The following CCDC85A variants were observed in gnomAD, a reference collection of about 807,000 sequenced individuals.
CCDC85A encodes coiled-coil domain containing 85A, also known as coiled-coil domain-containing protein 85A.
In CCDC85A, 38 loss-of-function variants were observed where a neutral mutation model predicts 50.2. The observed-to-expected ratio is 0.76, with a 90% confidence interval of 0.58 to 0.99. CCDC85A has a LOEUF of 0.99. Among genes scored for constraint, CCDC85A ranks in the 50% least tolerant of loss-of-function variants. The probability of loss-of-function intolerance (pLI) is 0.00; values close to 1 mark genes in which losing one functional copy is unlikely to be tolerated. For synonymous variants in CCDC85A, 366 were observed against 301.4 expected (o/e 1.21, Z -2.22); for missense variants, 820 against 742.0 (o/e 1.11, Z -1.22).
At chr2:56,247,720 A>G (rs187460317) in intron 2 of CCDC85A, among the ~76,000 whole-genome samples, 49 of 152,340 alleles carry the variant, frequency 3.2e-4, no homozygotes, top group Non-Finnish European at 6.0e-4. Context: ...AAGATATCAT[A>G]AGGGATATGA....
At chr2:56,242,594 C>T (rs1669310900) in intron 2 of CCDC85A, among the ~76,000 whole-genome samples, 1 of 152,128 alleles carries the variant, frequency 6.6e-6, no homozygotes, top group Non-Finnish European at 1.5e-5. Flanking sequence ...CCAAACACCT[C>T]CCACCAAGTC....
At position 56,384,247 on chromosome 2, in the gene CCDC85A, C is replaced by T; in HGVS notation, c.1573-19C>T. 1 of 1,592,038 alleles carries T rather than the reference C, an allele frequency of 6.3e-7. No individual in the cohort carries two copies. The highest frequency in any genetic ancestry group is 8.6e-7 in the Non-Finnish European group (1 of 1,161,538). On this transcript the variant is annotated intron_variant, in intron 5 of 5. Transcript: ENST00000407595. ...AAAGAGGAAAAGTAAGATACTCACT[C>T]CTTCTTTTTTTTTTTAAGGTTGTGT...
chr2:56,339,646 G>C (rs1188149514), intron 2 of CCDC85A, among the ~76,000 whole-genome samples: 2 of 152,144 alleles, frequency 1.3e-5, no homozygotes, highest in African/African-American at 4.8e-5. Context: ...ATAAAGATAA[G>C]GTGTAAATTG....
chr2:56,205,682 G>A (rs1351141938), intron 2 of CCDC85A, among the ~76,000 whole-genome samples: 1 of 152,164 alleles, frequency 6.6e-6, no homozygotes, highest in Non-Finnish European at 1.5e-5. Context: ...CATTTGCTTT[G>A]TATAAATCTC....
chr2:56,352,951 T>A (rs1197006374), intron 3 of CCDC85A, among the ~76,000 whole-genome samples: 2 of 152,130 alleles, frequency 1.3e-5, no homozygotes, highest in Non-Finnish European at 2.9e-5. Flanking sequence ...GCTCTGCAAA[T>A]TTATGACTCT....
At chr2:56,375,089 T>G (rs1408092063) in intron 4 of CCDC85A, among the ~76,000 whole-genome samples, 2 of 152,184 alleles carry the variant, frequency 1.3e-5, no homozygotes, top group Non-Finnish European at 2.9e-5. Context: ...TACTGATCCA[T>G]TAGTCTTCCC....
chr2:56,244,009 C>T (rs1669389323), intron 2 of CCDC85A, among the ~76,000 whole-genome samples: 1 of 152,182 alleles, frequency 6.6e-6, no homozygotes, highest in Admixed American at 6.5e-5. Flanking sequence ...CTCTCTCTTT[C>T]TTTCTTTACT....
chr2:56,259,110 C>T (rs917440644), intron 2 of CCDC85A, among the ~76,000 whole-genome samples: 4 of 152,240 alleles, frequency 2.6e-5, no homozygotes, highest in African/African-American at 4.8e-5. Context: ...ACTGAGGAGC[C>T]GTGCTGTGCT....
Position 56,301,046 on chromosome 2 carries a change from A to G in CCDC85A, c.1241-41833A>G, listed in dbSNP as rs549250687. Among the ~76,000 whole-genome samples the G allele has an allele frequency of 1.8e-3, 278 of 152,272 alleles. 3 individuals carry two copies. Among genetic ancestry groups the G allele is most frequent in the African/African-American group, 6.4e-3 (268 of 41,560 alleles). On this transcript the variant is annotated intron_variant, in intron 2 of 5. Coordinates refer to ENST00000407595, the MANE Select transcript of CCDC85A (RefSeq NM_001080433.2). ...AGTGATATTACACTTCCTTTTTGCA[A>G]TCTTTCCAAGCTGCAAATAAAATAA...
chr2:56,267,514 A>G (rs1045725878), intron 2 of CCDC85A, among the ~76,000 whole-genome samples: 4 of 152,240 alleles, frequency 2.6e-5, no homozygotes, highest in East Asian at 1.9e-4. Flanking sequence ...AACATAGTAC[A>G]CAGGCCCTTG....
intron 2 of CCDC85A, among the ~76,000 whole-genome samples, chr2:56,317,705 T>C (rs1439708701): frequency 6.6e-6 from 1 of 152,126 alleles, no homozygotes; most frequent in African/African-American, 2.4e-5. Context: ...GTTTAAACTT[T>C]TAGAAGTCTC....
At chr2:56,306,679 C>A (rs531053926) in intron 2 of CCDC85A, among the ~76,000 whole-genome samples, 2 of 152,226 alleles carry the variant, frequency 1.3e-5, no homozygotes, top group East Asian at 3.9e-4. Context: ...CTATTTGCAA[C>A]TGGAGATCTT....
At position 56,192,357 on chromosome 2, in the gene CCDC85A, A is replaced by C; in HGVS notation, c.277-120A>C. 1 of 1,417,578 alleles carries C rather than the reference A, an allele frequency of 7.1e-7. No individual in the cohort carries two copies. 87.8% of individuals were successfully genotyped at this position (1,417,578 alleles called of 1,614,324 possible). A position where few individuals can be genotyped will look rare whatever the true frequency, so the allele number is the denominator to read the frequency against. ...ATCTTCAGCTTCCTCCTACTCCCTC[A>C]CCTCCTCCCCTAACCTCACAGGTAA... On this transcript the variant is annotated intron_variant, in intron 1 of 5. Coordinates refer to ENST00000407595, the MANE Select transcript of CCDC85A (RefSeq NM_001080433.2). The surrounding 1 kb of genome is among the most constrained non-coding windows in gnomAD (Gnocchi z 4.7).
At chr2:56,278,012 G>T (rs1447850225) in intron 2 of CCDC85A, among the ~76,000 whole-genome samples, 2 of 152,176 alleles carry the variant, frequency 1.3e-5, no homozygotes, top group African/African-American at 4.8e-5. Flanking sequence ...GAACATGGGG[G>T]AGATGAGGCT....
intron 2 of CCDC85A, among the ~76,000 whole-genome samples, chr2:56,312,469 G>A (rs1448875311): frequency 6.6e-6 from 1 of 152,030 alleles, no homozygotes; most frequent in African/African-American, 2.4e-5. Context: ...ATGCATTAGG[G>A]CCCTTTGTAT....
intron 2 of CCDC85A, among the ~76,000 whole-genome samples, chr2:56,206,707 G>A (rs1028971382): frequency 3.3e-5 from 5 of 152,126 alleles, no homozygotes; most frequent in Admixed American, 2.0e-4. Context: ...TGAGGATTAC[G>A]TTTCTAATAT....
chr2:56,314,510 T>C (rs1161817316), intron 2 of CCDC85A, among the ~76,000 whole-genome samples: 1 of 152,142 alleles, frequency 6.6e-6, no homozygotes, highest in Non-Finnish European at 1.5e-5. Context: ...CTGCATAGTG[T>C]ATGTTCCCCC....
At chr2:56,220,016 T>C (rs1668252561) in intron 2 of CCDC85A, among the ~76,000 whole-genome samples, 1 of 151,964 alleles carries the variant, frequency 6.6e-6, no homozygotes, top group South Asian at 2.1e-4. Context: ...AGGGAGAGCT[T>C]CACTAAGGTG....
rs1005957526 is a variant in CCDC85A at position 56,319,137 on chromosome 2, T to C, written c.1241-23742T>C. On this transcript the variant is annotated intron_variant, in intron 2 of 5. Transcript: ENST00000407595. The stretch of plus-strand genomic sequence containing the variant: ...GCACTAGAATGGAAGCAGGTAATAA[T>C]AAATAGCTAGAAGGAGCTAAATACC... 2.6e-5 allele frequency among the ~76,000 whole-genome samples: 4 copies of C among 152,074 alleles called. 1 individual carries two copies. Among genetic ancestry groups the C allele is most frequent in the Admixed American group, 1.3e-4 (2 of 15,246 alleles).
Sources: allele counts gnomAD v4.1 joint callset (sites outside exome capture counted in the v4.1 genomes callset), GRCh38; gene constraint gnomAD v4.1.1; non-coding constraint Gnocchi (gnomAD v3.1); transcripts MANE v1.5; gene names NCBI Gene and HGNC (gene_info 2026-07-23, HGNC 2026-07-21).